The following UNC13C variants were observed in gnomAD, a reference collection of about 807,000 sequenced individuals.
UNC13C encodes the protein protein unc-13 homolog C.
A neutral mutation model predicts 245.4 loss-of-function variants in UNC13C; 174 were observed. The observed-to-expected ratio is 0.71, with a 90% confidence interval of 0.63 to 0.80. The LOEUF (loss-of-function observed/expected upper bound fraction) is 0.80. Among genes scored for constraint, UNC13C ranks in the 30% least tolerant of loss-of-function variants. The pLI is 0.00. For synonymous variants in UNC13C, 992 were observed against 895.1 expected, an observed-to-expected ratio of 1.11 and a Z score of -1.93; for missense variants, 2,829 against 2,602.9, an observed-to-expected ratio of 1.09 and a Z score of -1.89.
At chr15:54,250,480 G>A (rs753649628) in intron 8 of UNC13C, 36 bp downstream of exon 8, 1 of 1,553,264 alleles carries the variant, frequency 6.4e-7, no homozygotes. Flanking sequence ...GTGGTATGCA[G>A]AGCCTGCCTT....
At chr15:53,879,105 C>CA in the UNC13C span, among the ~76,000 whole-genome samples, 2 of 151,866 alleles carry the variant, frequency 1.3e-5, no homozygotes, top group East Asian at 1.9e-4. Context: ...CTTTTTTTAG[C>CA]AAAGAAAATA....
the UNC13C span, among the ~76,000 whole-genome samples, chr15:53,958,794 TC>T: frequency 2.0e-5 from 3 of 152,226 alleles, no homozygotes; most frequent in South Asian, 2.1e-4. Context: ...ATTTATCTTT[TC>T]TTTGTGTTGG....
chr15:54,502,029 A>T (rs959041131), intron 22 of UNC13C, among the ~76,000 whole-genome samples: 1 of 152,194 alleles, frequency 6.6e-6, no homozygotes, highest in Non-Finnish European at 1.5e-5. Context: ...TATGCAGGGT[A>T]GTGACATAAC....
chr15:54,494,167 G>A (rs1349221792), intron 19 of UNC13C, among the ~76,000 whole-genome samples: 1 of 152,058 alleles, frequency 6.6e-6, no homozygotes, highest in African/African-American at 2.4e-5. Context: ...GAACAACATG[G>A]CACATGTATA....
At chr15:54,449,786 C>T (rs1280735817) in intron 19 of UNC13C, among the ~76,000 whole-genome samples, 1 of 152,220 alleles carries the variant, frequency 6.6e-6, no homozygotes, top group East Asian at 1.9e-4. Flanking sequence ...ATCAGTCATT[C>T]TCCGTCCAGC....
At chr15:54,224,753 T>A (rs1596036876) in intron 4 of UNC13C, among the ~76,000 whole-genome samples, 1 of 152,138 alleles carries the variant, frequency 6.6e-6, no homozygotes, top group East Asian at 1.9e-4. Flanking sequence ...TTTCCAAAAT[T>A]TAACAATGAA....
At chr15:54,064,986 T>C (rs373264126) in intron 2 of UNC13C, among the ~76,000 whole-genome samples, 40 of 152,356 alleles carry the variant, frequency 2.6e-4, no homozygotes, top group Middle Eastern at 3.4e-3. Flanking sequence ...TTACTTTTGT[T>C]ATAGAAAACT....
At chr15:54,388,566 C>A (rs1193489740) in intron 17 of UNC13C, among the ~76,000 whole-genome samples, 1 of 152,170 alleles carries the variant, frequency 6.6e-6, no homozygotes, top group Non-Finnish European at 1.5e-5. Flanking sequence ...CAAGGCTTAT[C>A]TGCAAGATAT....
At chr15:54,494,552 TAGC>T in intron 19 of UNC13C, 53 bp from the exon 20 acceptor site, 1 of 1,454,272 alleles carries the variant, frequency 6.9e-7, no homozygotes, top group Admixed American at 2.6e-5. Context: ...GATTGGAACA[TAGC>T]AGCATTGTTG....
chr15:54,261,794 C>T (rs563278623), intron 8 of UNC13C, among the ~76,000 whole-genome samples: 8 of 152,288 alleles, frequency 5.3e-5, no homozygotes, highest in East Asian at 1.9e-4. Context: ...CTGCTGGCCT[C>T]GGCCTCCCAA....
Position 54,500,982 on chromosome 15 carries a change from G to A in UNC13C, c.5301+4G>A. ...CTTAATGAGAAGATTTGCAAAGGTA[G>A]GTTAAATAAAATGAGTCTTCTTTTT... On this transcript the variant is annotated splice_donor_region_variant and intron_variant, in intron 22 of 32. Transcript: ENST00000260323. 1 of 1,611,152 alleles carries A rather than the reference G, an allele frequency of 6.2e-7. No homozygotes were observed. The highest frequency in any genetic ancestry group is 8.5e-7 in the Non-Finnish European group (1 of 1,178,388).
the UNC13C span, among the ~76,000 whole-genome samples, chr15:53,919,663 A>G: frequency 6.6e-6 from 1 of 152,194 alleles, no homozygotes; most frequent in Admixed American, 6.5e-5. Flanking sequence ...ATTTAGGTAT[A>G]TTCAATAGCC....
At chr15:54,002,266 A>C (rs1301988221) in intron 1 of UNC13C, among the ~76,000 whole-genome samples, 2 of 152,190 alleles carry the variant, frequency 1.3e-5, no homozygotes, top group Non-Finnish European at 2.9e-5. Context: ...AGGCTGGGTG[A>C]AAGAGTGAGA....
intron 17 of UNC13C, among the ~76,000 whole-genome samples, chr15:54,373,067 G>A (rs1015557035): frequency 1.3e-5 from 2 of 152,108 alleles, no homozygotes; most frequent in African/African-American, 4.8e-5. Context: ...TGTCAAAGGT[G>A]TCCCCAGTTG....
chr15:54,179,660 C>G (rs369303721), intron 4 of UNC13C, among the ~76,000 whole-genome samples: 1 of 151,842 alleles, frequency 6.6e-6, no homozygotes, highest in South Asian at 2.1e-4. Flanking sequence ...AATATATGTG[C>G]AATTGGAGTG....
chr15:53,852,757 A>T, the UNC13C span, among the ~76,000 whole-genome samples: 6 of 152,136 alleles, frequency 3.9e-5, no homozygotes, highest in Non-Finnish European at 8.8e-5. Flanking sequence ...ACATATGAAA[A>T]TAGTGTTTAT....
At chr15:54,466,623 T>A (rs1008742432) in intron 19 of UNC13C, among the ~76,000 whole-genome samples, 3 of 151,736 alleles carry the variant, frequency 2.0e-5, no homozygotes, top group African/African-American at 7.2e-5. Flanking sequence ...GACAAAAAAA[T>A]TATATATGTG....
intron 17 of UNC13C, among the ~76,000 whole-genome samples, chr15:54,343,281 C>G: frequency 6.6e-6 from 1 of 152,024 alleles, no homozygotes. Context: ...TTACAGAGGC[C>G]CACCACCACG....
intron 2 of UNC13C, among the ~76,000 whole-genome samples, chr15:54,041,822 G>A (rs978470445): frequency 2.0e-5 from 3 of 152,170 alleles, no homozygotes; most frequent in Non-Finnish European, 4.4e-5. Flanking sequence ...ATACCATATT[G>A]AGACATTTTA....
Sources: gnomAD v4.1 joint callset for allele counts (sites outside exome capture counted in the v4.1 genomes callset) on GRCh38, gnomAD v4.1.1 for gene constraint, MANE v1.5 for transcripts, NCBI Gene and HGNC (gene_info 2026-07-23, HGNC 2026-07-21) for gene names.